Variants in DIP2C observed in about 807,000 individuals in gnomAD.
DIP2C encodes the protein disco-interacting protein 2 homolog C.
DIP2C carries 33 observed loss-of-function variants against 192.4 expected under a neutral mutation model. The ratio of observed to expected loss-of-function variants is 0.17; its 90% CI spans 0.13 to 0.23. The LOEUF is 0.23. Ranked by LOEUF, DIP2C falls within the 10% of genes least tolerant of loss-of-function variation. The probability of loss-of-function intolerance (pLI) is 1.00; values close to 1 mark genes in which losing one functional copy is unlikely to be tolerated. For missense variants in DIP2C, 1,537 were observed against 2,110.1 expected (o/e 0.73, Z 5.32); for synonymous variants, 979 against 864.1 (o/e 1.13, Z -2.33).
rs532389498 is a variant in DIP2C at position 455,327 on chromosome 10, A to G, written c.269-14331T>C. Among the ~76,000 whole-genome samples the G allele has an allele frequency of 7.2e-3, 915 of 127,930 alleles. 19 individuals are homozygous for G. The highest frequency in any genetic ancestry group is 0.021 in the African/African-American group (736 of 34,298). 83.9% of individuals were successfully genotyped at this position (127,930 alleles called of 152,430 possible). ...GCAGTGAGTCCCTGCCTGAGGGGAG[A>G]CCGTGAGGAATAAATGAGATGAAAA... On this transcript the variant is annotated intron_variant, in intron 3 of 36. Coordinates refer to ENST00000280886, the MANE Select transcript of DIP2C (RefSeq NM_014974.3).
At position 384,923 on chromosome 10, in the gene DIP2C, G is replaced by A. The variant is rs184887013; in HGVS notation, c.1663-284C>T. On this transcript the variant is annotated intron_variant, in intron 14 of 36. Coordinates refer to ENST00000280886, the MANE Select transcript of DIP2C (RefSeq NM_014974.3). ...GGAGAAGCAGCTCTCAGGGAGCGCC[G>A]CGGACACCAGGCTGCACGGGCCAGG... 7.9e-4 allele frequency among the ~76,000 whole-genome samples: 118 copies of A among 149,580 alleles called. 2 individuals are homozygous for A. In the East Asian group the frequency reaches 0.018, roughly 22 times the overall value.
intron 1 of DIP2C, among the ~76,000 whole-genome samples, chr10:556,123 ACCCAC>A (rs1437347911): frequency 2.6e-5 from 1 of 37,828 alleles, no homozygotes; most frequent in African/African-American, 1.1e-4. Flanking sequence ...GACAGCAACC[ACCCAC>A]CCCCTTCCAC....
chr10:598,410 C>A (rs1851845672), intron 1 of DIP2C, among the ~76,000 whole-genome samples: 1 of 152,240 alleles, frequency 6.6e-6, no homozygotes. Context: ...TGGACATTCC[C>A]TCAATCCATA....
chr10:391,457 A>C (rs993554886), intron 10 of DIP2C, among the ~76,000 whole-genome samples: 17 of 152,192 alleles, frequency 1.1e-4, no homozygotes, highest in African/African-American at 4.1e-4. Flanking sequence ...GCCCCACTGG[A>C]GACACCAGAT....
chr10:532,556 G>GGTGAGAGAGAGAGTATGGGT lies in DIP2C; in HGVS notation c.86-46046_86-46027dup, dbSNP rs1564824388. Among the ~76,000 whole-genome samples, 32 of 135,752 alleles carry GGTGAGAGAGAGAGTATGGGT rather than the reference G, an allele frequency of 2.4e-4. 3 individuals carry two copies. The highest frequency in any genetic ancestry group is 8.3e-4 in the African/African-American group (30 of 36,256). 89.1% of individuals were successfully genotyped at this position (135,752 alleles called of 152,430 possible). ...GAGAGTATGGGTGTGAGAGAGTATG[G>GGTGAGAGAGAGAGTATGGGT]GTGAGAGAGAGAGTATGGGTGTGAG... On this transcript the variant is annotated intron_variant, in intron 1 of 36. Transcript: ENST00000280886.
At chr10:562,631 A>G (rs1207697135) in intron 1 of DIP2C, among the ~76,000 whole-genome samples, 1 of 152,270 alleles carries the variant, frequency 6.6e-6, no homozygotes, top group African/African-American at 2.4e-5. Context: ...ATTACGTGTT[A>G]AACATTAAAC....
intron 32 of DIP2C, among the ~76,000 whole-genome samples, chr10:289,452 G>C (rs1181965483): frequency 6.6e-6 from 1 of 152,076 alleles, no homozygotes; most frequent in East Asian, 1.9e-4. Context: ...AGTTTCTGTA[G>C]AGAGGAGATC....
intron 1 of DIP2C, among the ~76,000 whole-genome samples, chr10:686,061 T>C (rs1405912515): frequency 6.6e-6 from 1 of 152,158 alleles, no homozygotes; most frequent in Non-Finnish European, 1.5e-5. Flanking sequence ...CAGTTATTAA[T>C]GAAATTATTT....
In DIP2C at chr10:390,258, A is replaced by T; in HGVS notation, c.1494+6T>A. 1 of 1,613,126 alleles carries T rather than the reference A, an allele frequency of 6.2e-7. No homozygotes were observed. The highest frequency in any genetic ancestry group is 1.7e-5 in the Admixed American group (1 of 59,960). ...GGGCCAGTGGAGGAGGCCAAGGCTG[A>T]CTCACCTCAATATACGCAGTGTCGT... On this transcript the variant is annotated splice_donor_region_variant and intron_variant, in intron 12 of 36. Transcript: ENST00000280886.
At chr10:339,705 C>T (rs1246462396) in intron 29 of DIP2C, among the ~76,000 whole-genome samples, 1 of 152,182 alleles carries the variant, frequency 6.6e-6, no homozygotes, top group Non-Finnish European at 1.5e-5. Context: ...AAAATTTACT[C>T]ACAATGTTAT....
chr10:602,513 A>T (rs1852157756), intron 1 of DIP2C, among the ~76,000 whole-genome samples: 1 of 152,142 alleles, frequency 6.6e-6, no homozygotes, highest in African/African-American at 2.4e-5. Context: ...TCCTTGTTGG[A>T]AGGCCTGAAG....
At chr10:471,461 C>T (rs1030582006) in intron 3 of DIP2C, among the ~76,000 whole-genome samples, 6 of 152,146 alleles carry the variant, frequency 3.9e-5, no homozygotes, top group Non-Finnish European at 8.8e-5. Flanking sequence ...AGGTGAGTTC[C>T]GTCATCCCTT....
chr10:279,248 C>T (rs1954683673), intron 36 of DIP2C, among the ~76,000 whole-genome samples: 1 of 152,196 alleles, frequency 6.6e-6, no homozygotes, highest in Non-Finnish European at 1.5e-5. Context: ...CTCTACATGG[C>T]CCATGTGAGC....
chr10:444,101 C>A (rs564454736), intron 3 of DIP2C, among the ~76,000 whole-genome samples: 1 of 152,090 alleles, frequency 6.6e-6, no homozygotes, highest in East Asian at 1.9e-4. Context: ...ACCTGAGACT[C>A]GTGTAGATTC....
chr10:616,219 TTGTAATC>T (rs1853461566), intron 1 of DIP2C, among the ~76,000 whole-genome samples: 1 of 152,210 alleles, frequency 6.6e-6, no homozygotes, highest in African/African-American at 2.4e-5. Flanking sequence ...AAGCAGCCGT[TTGTAATC>T]TGGACCGCAA....
In DIP2C at chr10:559,319, C is replaced by T. The variant is rs534635784; in HGVS notation, c.86-72789G>A. On this transcript the variant is annotated intron_variant, in intron 1 of 36. Coordinates refer to ENST00000280886, the MANE Select transcript of DIP2C (RefSeq NM_014974.3). ...CTGGAACAGCTGGTGTCCATGGGGG[C>T]GGTGGGGAACGCCGGGGGAACGCCG... Among the ~76,000 whole-genome samples the T allele has an allele frequency of 3.1e-5, 4 of 128,766 alleles. No individual in the cohort carries two copies. In the South Asian group the frequency reaches 1.1e-3, roughly 34 times the overall value. 84.5% of individuals were successfully genotyped at this position (128,766 alleles called of 152,430 possible).
At chr10:429,844 T>A (rs1427392177) in intron 4 of DIP2C, among the ~76,000 whole-genome samples, 1 of 152,128 alleles carries the variant, frequency 6.6e-6, no homozygotes, top group Non-Finnish European at 1.5e-5. Flanking sequence ...GCTCTAAATA[T>A]CTATGTGTAG....
chr10:619,150 G>C (rs1158004745), intron 1 of DIP2C, among the ~76,000 whole-genome samples: 2 of 152,170 alleles, frequency 1.3e-5, no homozygotes, highest in Non-Finnish European at 2.9e-5. Flanking sequence ...GCAGTTCCCA[G>C]AACACTGATG....
At chr10:617,652 A>C (rs1026639485) in intron 1 of DIP2C, among the ~76,000 whole-genome samples, 2 of 127,740 alleles carry the variant, frequency 1.6e-5, no homozygotes, top group South Asian at 2.6e-4. Context: ...TCCTGTGGAT[A>C]CCACCCCCCC....
Sources: allele counts gnomAD v4.1 joint callset (sites outside exome capture counted in the v4.1 genomes callset), GRCh38; gene constraint gnomAD v4.1.1; transcripts MANE v1.5; gene names NCBI Gene and HGNC (gene_info 2026-07-23, HGNC 2026-07-21).